Variants in PRKDC observed in about 807,000 individuals in gnomAD.
PRKDC encodes protein kinase, DNA-activated, catalytic subunit, also known as DNA-dependent protein kinase catalytic subunit.
In PRKDC, 82 loss-of-function variants were observed where a neutral mutation model predicts 486.9. The observed-to-expected ratio is 0.17, with a 90% CI of 0.14 to 0.20. PRKDC has a LOEUF of 0.20. Ranked by LOEUF, PRKDC falls within the 10% of genes least tolerant of loss-of-function variation. The pLI, the probability that PRKDC is intolerant of heterozygous loss-of-function variation, is 1.00. For synonymous variants in PRKDC, 1,895 were observed against 1,837.0 expected, an observed-to-expected ratio of 1.03 and a Z score of -0.81; for missense variants, 4,504 against 5,038.2, an observed-to-expected ratio of 0.89 and a Z score of 3.21.
chr8:47,865,689 A>G (rs946565046), intron 40 of PRKDC, among the ~76,000 whole-genome samples: 1 of 152,176 alleles, frequency 6.6e-6, no homozygotes, highest in Non-Finnish European at 1.5e-5. Flanking sequence ...TAACTCAGTC[A>G]TAAAAAGACT....
intron 26 of PRKDC, among the ~76,000 whole-genome samples, chr8:47,904,631 G>A (rs1177702420): frequency 6.6e-6 from 1 of 152,118 alleles, no homozygotes. Flanking sequence ...GTCTCTGATT[G>A]AAATACAAAA....
intron 77 of PRKDC, among the ~76,000 whole-genome samples, chr8:47,784,445 CA>C (rs140226145): frequency 0.035 from 5,303 of 152,194 alleles, 125 homozygotes; most frequent in Middle Eastern, 0.068. Context: ...GAACCATATG[CA>C]ACTGCATAGT....
At chr8:47,823,750 C>T in intron 64 of PRKDC, 108 bp downstream of exon 64, 1 of 1,324,858 alleles carries the variant, frequency 7.5e-7, no homozygotes, top group Non-Finnish European at 1.1e-6. Context: ...AACGAAAAGA[C>T]ATTGAACCAA....
intron 36 of PRKDC, among the ~76,000 whole-genome samples, chr8:47,882,631 C>A (rs62542260): frequency 6.6e-6 from 1 of 152,146 alleles, no homozygotes; most frequent in African/African-American, 2.4e-5. Flanking sequence ...CACACGCAAA[C>A]GCACACTTCT....
chr8:47,798,417 A>T lies in PRKDC; in HGVS notation c.10298-20T>A. The T allele has an allele frequency of 6.4e-7, 1 of 1,559,392 alleles. No homozygotes were observed. Among genetic ancestry groups the T allele is most frequent in the South Asian group, 1.2e-5 (1 of 81,220 alleles). ...CAATAACTATCAAGGACACCAAAGA[A>T]GAAAGCAATGGTCAATGTATCCCAA... On this transcript the variant is annotated intron_variant, in intron 72 of 85. Transcript: ENST00000314191.
At chr8:47,865,388 A>C (rs1361455322) in intron 40 of PRKDC, among the ~76,000 whole-genome samples, 1 of 152,128 alleles carries the variant, frequency 6.6e-6, no homozygotes, top group Non-Finnish European at 1.5e-5. Context: ...TCTCAAAAAA[A>C]AAAAAAAAAT....
intron 73 of PRKDC, among the ~76,000 whole-genome samples, chr8:47,796,466 C>T (rs2086987834): frequency 6.6e-6 from 1 of 152,184 alleles, no homozygotes; most frequent in Non-Finnish European, 1.5e-5. Context: ...ATTTGCCTTA[C>T]ATCCTTTAAT....
Position 47,798,254 on chromosome 8 carries a change from T to C in PRKDC, c.10441A>G (p.Ser3481Gly). ...IIERYPEETLSLMTKEISSVP... is the reference protein window; with the variant it reads ...IIERYPEETLGLMTKEISSVP... ...ACACCAACCTCTTTTGTCATGAGGC[T>C]CAAAGTCTCCTCTGGATACCGTTCT... Residue 3481 changes from serine to glycine, a missense_variant, in exon 73 of 86, where the codon AGC (serine) becomes GGC (glycine). Physicochemically the swap from Ser to Gly is moderately conservative, Grantham distance 56 (BLOSUM62 0). This residue lies in a region of PRKDC where 706 missense variants were observed against 945.0 expected (regional missense o/e 0.75). Coordinates refer to ENST00000314191, the MANE Select transcript of PRKDC (RefSeq NM_006904.7). 1 of 1,613,238 alleles carries C rather than the reference T, an allele frequency of 6.2e-7. No homozygotes were observed. The highest frequency in any genetic ancestry group is 1.1e-5 in the South Asian group (1 of 90,778).
intron 68 of PRKDC, among the ~76,000 whole-genome samples, chr8:47,815,902 C>G (rs1002650317): frequency 6.6e-6 from 1 of 152,080 alleles, no homozygotes; most frequent in Non-Finnish European, 1.5e-5. Flanking sequence ...AGTGGAGAGA[C>G]CAAACAATCA....
At chr8:47,939,469 A>G (rs1015039515) in intron 11 of PRKDC, 82 bp downstream of exon 11, 7 of 1,457,108 alleles carry the variant, frequency 4.8e-6, no homozygotes, top group South Asian at 2.5e-5. Context: ...AGTATTAGAC[A>G]CTATTCAAAA....
At chr8:47,828,547 T>C (rs2087790519) in intron 61 of PRKDC, among the ~76,000 whole-genome samples, 200 bp from the exon 62 acceptor site, 2 of 152,228 alleles carry the variant, frequency 1.3e-5, no homozygotes, top group African/African-American at 4.8e-5. Flanking sequence ...ATGTATGTTA[T>C]GGAAACATGG....
At chr8:47,874,349 T>A (rs1386270401) in intron 40 of PRKDC, among the ~76,000 whole-genome samples, 1 of 152,186 alleles carries the variant, frequency 6.6e-6, no homozygotes, top group Non-Finnish European at 1.5e-5. Context: ...CCTGACCTGA[T>A]TACACATTAT....
At chr8:47,928,108 T>C (rs2090183552) in intron 19 of PRKDC, among the ~76,000 whole-genome samples, 1 of 151,980 alleles carries the variant, frequency 6.6e-6, no homozygotes, top group Non-Finnish European at 1.5e-5. Flanking sequence ...TATTTCATCT[T>C]GAGTTGTCAT....
intron 76 of PRKDC, among the ~76,000 whole-genome samples, chr8:47,785,923 T>A (rs910914105): frequency 3.3e-5 from 5 of 151,224 alleles, no homozygotes; most frequent in African/African-American, 1.2e-4. Context: ...TGGCCAACAT[T>A]GTGAAACCCT....
At chr8:47,920,980 C>A (rs2090060361) in intron 21 of PRKDC, among the ~76,000 whole-genome samples, 1 of 152,026 alleles carries the variant, frequency 6.6e-6, no homozygotes, top group African/African-American at 2.4e-5. Context: ...TGGCTGGGCA[C>A]GGGTGGCTCA....
At position 47,954,324 on chromosome 8, in the gene PRKDC, TA is replaced by T; in HGVS notation, c.508+13del. The T allele has an allele frequency of 9.5e-7, 1 of 1,048,270 alleles. No homozygotes were observed. Among genetic ancestry groups the T allele is most frequent in the Non-Finnish European group, 1.3e-6 (1 of 749,834 alleles). The allele number at this position is 1,048,270 out of a possible 1,614,324, so 64.9% of individuals were successfully genotyped here. ...TGCTAAACTATTTGAAAATAACATG[TA>T]AATGCATCTCACCTGTATCTGGTAT... On this transcript the variant is annotated intron_variant, in intron 5 of 85. Coordinates refer to ENST00000314191, the MANE Select transcript of PRKDC (RefSeq NM_006904.7).
chr8:47,818,752 T>C (rs576439367), intron 67 of PRKDC, among the ~76,000 whole-genome samples: 1 of 152,310 alleles, frequency 6.6e-6, no homozygotes, highest in South Asian at 2.1e-4. Context: ...TAAATATCAG[T>C]TTTTATCAGT....
In PRKDC at chr8:47,888,661, G is replaced by A; in HGVS notation, c.4281-11C>T. ...CAAAGCTCCTCAATGCTGGCCATGT[G>A]ACAAAACAGTAAATTAGGTGAGCTC... On this transcript the variant is annotated splice_polypyrimidine_tract_variant and intron_variant, in intron 33 of 85. Coordinates refer to ENST00000314191, the MANE Select transcript of PRKDC (RefSeq NM_006904.7). 6.4e-7 allele frequency: 1 copy of A among 1,563,564 alleles called. No homozygotes were observed. The highest frequency in any genetic ancestry group is 8.7e-7 in the Non-Finnish European group (1 of 1,155,278).
intron 52 of PRKDC, among the ~76,000 whole-genome samples, chr8:47,850,619 C>T (rs567554366): frequency 6.6e-6 from 1 of 152,256 alleles, no homozygotes; most frequent in Non-Finnish European, 1.5e-5. Context: ...CATAGTATTA[C>T]CCTACCAATT....
Sources: gnomAD v4.1 joint callset for allele counts (sites outside exome capture counted in the v4.1 genomes callset) on GRCh38, gnomAD v4.1.1 for gene constraint, gnomAD v4.1.1 regional missense constraint, MANE v1.5 for transcripts, NCBI Gene and HGNC (gene_info 2026-07-23, HGNC 2026-07-21) for gene names.